TTN: variants seen among roughly 807,000 people sequenced by gnomAD.
TTN encodes connectin.
A neutral mutation model predicts 3,223.0 loss-of-function variants in TTN; 1,525 were observed. The observed-to-expected ratio is 0.47, with a 90% CI of 0.45 to 0.49. TTN has a LOEUF of 0.49. TTN is among the 20% of genes least tolerant of loss of function. The probability of loss-of-function intolerance (pLI) is 0.00; values close to 1 mark genes in which losing one functional copy is unlikely to be tolerated. For synonymous variants in TTN, 14,094 were observed against 15,161.0 expected (o/e 0.93, Z 5.17); for missense variants, 40,786 against 43,424.0 (o/e 0.94, Z 5.40).
chr2:178,590,682 T>C lies in TTN; in HGVS notation c.61043A>G (p.Glu20348Gly). The stretch of plus-strand genomic sequence containing the variant: ...TGGTTTGCTTAGTCCTGCAAGATTT[T>C]CAGCAAAAACTCTAAACTCATATGT... Reference protein sequence around the residue: ...GNTYEFRVFAENLAGLSKPSP... With the variant: ...GNTYEFRVFAGNLAGLSKPSP... The change falls in exon 304 of 363, where the codon GAA becomes GGA. Residue 20348 changes from glutamate (E) to glycine (G), a missense_variant. Glu to Gly is a moderately conservative substitution (Grantham distance 98, BLOSUM62 -2). Coordinates refer to ENST00000589042, the MANE Select transcript of TTN (RefSeq NM_001267550.2). 6.2e-7 allele frequency: 1 copy of C among 1,613,204 alleles called. No individual in the cohort carries two copies. The highest frequency in any genetic ancestry group is 8.5e-7 in the Non-Finnish European group (1 of 1,179,426).
Position 178,695,425 on chromosome 2 carries a change from C to G in TTN, c.31208-15G>C. 6 of 1,609,844 alleles carry G rather than the reference C, an allele frequency of 3.7e-6. No homozygotes were observed. The highest frequency in any genetic ancestry group is 4.2e-6 in the Non-Finnish European group (5 of 1,176,766). On this transcript the variant is annotated splice_polypyrimidine_tract_variant and intron_variant, in intron 114 of 362. Coordinates refer to ENST00000589042, the MANE Select transcript of TTN (RefSeq NM_001267550.2). ...CTCATGTGATTCTGAAATAAAAACACAGGAATAAGAAGGGATGCTTAAATA... is the reference window on the plus strand; with the variant it reads ...CTCATGTGATTCTGAAATAAAAACAGAGGAATAAGAAGGGATGCTTAAATA...
At position 178,728,762 on chromosome 2, in the gene TTN, T is replaced by C; in HGVS notation, c.19164A>G (p.Val6388=). The C allele has an allele frequency of 6.2e-7, 1 of 1,601,412 alleles. No homozygotes were observed. Among genetic ancestry groups the C allele is most frequent in the Non-Finnish European group, 8.5e-7 (1 of 1,169,878 alleles). Residue 6388 remains valine, a synonymous_variant, in exon 66 of 363, where the codon GTA becomes GTG. Coordinates refer to ENST00000589042, the MANE Select transcript of TTN (RefSeq NM_001267550.2). The part of the protein sequence containing the change: ...FLLVQEPAQI[V]EKAKSVDVTE... ...TAACATCAACTGATTTAGCTTTCTC[T>C]ACGATTTGAGCTGGTTCTGTAGTAA... is the stretch of plus-strand genomic sequence containing the variant.
intron 220 of TTN, 91 bp downstream of exon 220, chr2:178,641,150 T>A: frequency 1.2e-6 from 1 of 859,140 alleles, no homozygotes; most frequent in Non-Finnish European, 1.8e-6. Flanking sequence ...CATGTTTACA[T>A]CTAACTTCAT....
intron 33 of TTN, chr2:178,772,823 A>G: frequency 4.6e-6 from 2 of 434,658 alleles, no homozygotes; most frequent in East Asian, 8.7e-5. Flanking sequence ...AAACACTAGG[A>G]AAGAGGCACA....
Position 178,767,499 on chromosome 2 carries a change from A to C in TTN, c.9471+260T>G, listed in dbSNP as rs189599898. Among the ~76,000 whole-genome samples, 39 of 152,328 alleles carry C rather than the reference A, an allele frequency of 2.6e-4. No individual in the cohort carries two copies. The East Asian group carries it at 6.7e-3, about 26-fold the overall frequency. On this transcript the variant is annotated intron_variant, in intron 40 of 362. Coordinates refer to ENST00000589042, the MANE Select transcript of TTN (RefSeq NM_001267550.2). ...TTCTGGTTGGTGCTGCTTGGCAAGC[A>C]GCCATTTATTAGACAGTGAAATTTC...
At chr2:178,751,290 G>A (rs368245007) in intron 47 of TTN, 59 of 1,610,880 alleles carry the variant, frequency 3.7e-5, no homozygotes, top group African/African-American at 6.7e-5. Context: ...TCCCTTAAAC[G>A]TTGCAACTTC....
rs780158314 is a variant in TTN at position 178,618,873 on chromosome 2, G to A, written c.46697-20C>T. 1 of 1,603,434 alleles carries A rather than the reference G, an allele frequency of 6.2e-7. No homozygotes were observed. The highest frequency in any genetic ancestry group is 2.2e-5 in the East Asian group (1 of 44,500). Reference sequence around the variant, plus strand: ...GTGCAGCTAGTGAGAAAGATAACATGTGAACGCTTTCGACTATTAAACGTA... The same window carrying A: ...GTGCAGCTAGTGAGAAAGATAACATATGAACGCTTTCGACTATTAAACGTA... On this transcript the variant is annotated intron_variant, in intron 250 of 362. Coordinates refer to ENST00000589042, the MANE Select transcript of TTN (RefSeq NM_001267550.2).
intron 223 of TTN, among the ~76,000 whole-genome samples, chr2:178,637,932 A>C (rs2060706253): frequency 6.6e-6 from 1 of 152,048 alleles, no homozygotes; most frequent in Non-Finnish European, 1.5e-5. Context: ...GTTTCTTTGA[A>C]GATTTCCTTT....
In TTN at chr2:178,705,262, G is replaced by A. The variant is rs578069922; in HGVS notation, c.29516C>T (p.Ala9839Val). 3.1e-6 allele frequency: 5 copies of A among 1,613,524 alleles called. No individual in the cohort carries two copies. Among genetic ancestry groups the A allele is most frequent in the East Asian group, 4.5e-5 (2 of 44,846 alleles). ...NVDPKEYEKYARMYGITDFRG... is the reference protein window; with the variant it reads ...NVDPKEYEKYVRMYGITDFRG... ...GAAGTCAGTGATTCCATACATGCGG[G>A]CATATTTTTCATATTCTTTAGGATC... Residue 9839 changes from alanine (A) to valine (V), a missense_variant, in exon 103 of 363, where the codon GCC (alanine) becomes GTC (valine). By Grantham distance (64) the Ala-to-Val change is moderately conservative. Transcript: ENST00000589042.
In TTN at chr2:178,589,722, C is replaced by A; in HGVS notation, c.62003G>T (p.Arg20668Ile). The A allele has an allele frequency of 6.2e-7, 1 of 1,613,542 alleles. No individual in the cohort carries two copies. Among genetic ancestry groups the A allele is most frequent in the South Asian group, 1.1e-5 (1 of 91,068 alleles). ...GTGAAGGTTTTCAGGCTCACCTGGT[C>A]TGTCAATAGGGTTAATAGCCAGAAT... The part of the protein sequence containing the change: ...TPILAINPID[R>I]PGEPENLHIA... Residue 20668 changes from arginine to isoleucine, a missense_variant, in exon 304 of 363, where the codon AGA (arginine) becomes ATA (isoleucine). Coordinates refer to ENST00000589042, the MANE Select transcript of TTN (RefSeq NM_001267550.2).
At chr2:178,551,374 TAATA>T in intron 335 of TTN, 114 bp from the exon 336 acceptor site, 1 of 833,664 alleles carries the variant, frequency 1.2e-6, no homozygotes. Context: ...AAAATTTTTA[TAATA>T]AGTAATTTAT....
rs778779631 is a variant in TTN, at chr2:178,777,058, A to C, written c.4815-9T>G. 1.2e-6 allele frequency: 2 copies of C among 1,614,012 alleles called. No homozygotes were observed. Among genetic ancestry groups the C allele is most frequent in the Non-Finnish European group, 1.7e-6 (2 of 1,179,978 alleles). On this transcript the variant is annotated splice_polypyrimidine_tract_variant and intron_variant, in intron 27 of 362. Transcript: ENST00000589042. ...CCTTGGTTCCTTCAATTCTATAAAA[A>C]GTTGGGGGAGGGAATAATCAATATA...
Position 178,729,928 on chromosome 2 carries a change from T to C in TTN, c.18325A>G (p.Lys6109Glu), listed in dbSNP as rs73973139. Residue 6109 changes from lysine (K) to glutamate (E), a missense_variant, in exon 63 of 363, where the codon AAG becomes GAG. Coordinates refer to ENST00000589042, the MANE Select transcript of TTN (RefSeq NM_001267550.2). ...LFVKEPPQFI[K>E]KPSPVLVLRN... ...AGCACTAAGACTGGACTGGGCTTCT[T>C]AATGAATTGAGGAGGTTCTAAAGAT... is the stretch of plus-strand genomic sequence containing the variant. 323 of 1,612,462 alleles carry C rather than the reference T, an allele frequency of 2.0e-4. No individual in the cohort carries two copies. The African/African-American group carries it at 3.8e-3, about 19-fold the overall frequency.
chr2:178,610,158 G>A lies in TTN; in HGVS notation c.51368C>T (p.Ala17123Val). 1 of 1,613,008 alleles carries A rather than the reference G, an allele frequency of 6.2e-7. No homozygotes were observed. The highest frequency in any genetic ancestry group is 8.5e-7 in the Non-Finnish European group (1 of 1,179,326). Residue 17123 changes from alanine (A) to valine (V), a missense_variant, in exon 271 of 363, where the codon GCA becomes GTA. Coordinates refer to ENST00000589042, the MANE Select transcript of TTN (RefSeq NM_001267550.2). Reference protein sequence around the residue: ...PNGEYFFRVKAVNKVGGGEYI... With the variant: ...PNGEYFFRVKVVNKVGGGEYI... ...TTCTCCTCCACCAACCTTGTTGACTGCTTTAACACGGAAGAAGTATTCACC... is the reference window on the plus strand; with the variant it reads ...TTCTCCTCCACCAACCTTGTTGACTACTTTAACACGGAAGAAGTATTCACC...
At position 178,770,044 on chromosome 2, in the gene TTN, G is replaced by A; in HGVS notation, c.8641+16C>T. On this transcript the variant is annotated intron_variant, in intron 36 of 362. Coordinates refer to ENST00000589042, the MANE Select transcript of TTN (RefSeq NM_001267550.2). ...TTCATTAAGGAAAGGGCTGTAGGGGGCTGCCTGATACTTACTCTCCACAAA... is the reference window on the plus strand; with the variant it reads ...TTCATTAAGGAAAGGGCTGTAGGGGACTGCCTGATACTTACTCTCCACAAA... 3 of 1,614,142 alleles carry A rather than the reference G, an allele frequency of 1.9e-6. No individual in the cohort carries two copies. The highest frequency in any genetic ancestry group is 2.2e-5 in the East Asian group (1 of 44,880).
At position 178,647,350 on chromosome 2, in the gene TTN, T is replaced by A. The variant is rs975829979; in HGVS notation, c.40141+31A>T. ...AGCAAGAGGATGAAGACAATTGTCA[T>A]CTTTCCAAGATTTATGGAGAAGCCG... On this transcript the variant is annotated intron_variant, in intron 214 of 362. Transcript: ENST00000589042. The A allele has an allele frequency of 5.8e-6, 9 of 1,546,208 alleles. No homozygotes were observed. In the African/African-American group the frequency reaches 1.1e-4, roughly 19 times the overall value.
intron 213 of TTN, 133 bp downstream of exon 213, chr2:178,649,114 CT>C: frequency 1.5e-6 from 1 of 683,748 alleles, no homozygotes; most frequent in Non-Finnish European, 2.2e-6. Flanking sequence ...ATTTTTTTCC[CT>C]TCATTATTTC....
At position 178,741,641 on chromosome 2, in the gene TTN, A is replaced by T. The variant is rs2082502138; in HGVS notation, c.11592T>A (p.Ala3864=). ...CACCGTCAAAAACAAATTTGTAGTC[A>T]GCAGAAGGGGTTAATAGCACTCCAT... ...FFNGVLLTPS[A]DYKFVFDGDD... is the part of the protein sequence containing the mutation. Residue 3864 remains alanine (A), a synonymous_variant, in exon 48 of 363, where the codon GCT becomes GCA. Coordinates refer to ENST00000589042, the MANE Select transcript of TTN (RefSeq NM_001267550.2). 6.2e-7 allele frequency: 1 copy of T among 1,613,758 alleles called. No homozygotes were observed. The highest frequency in any genetic ancestry group is 1.3e-5 in the African/African-American group (1 of 74,934).
chr2:178,553,372 A>T lies in TTN; in HGVS notation c.89528T>A (p.Val29843Glu). 1 of 1,597,350 alleles carries T rather than the reference A, an allele frequency of 6.3e-7. No homozygotes were observed. The highest frequency in any genetic ancestry group is 8.5e-7 in the Non-Finnish European group (1 of 1,172,804). Residue 29843 changes from valine to glutamate, a missense_variant, in exon 335 of 363, where the codon GTG becomes GAG. By Grantham distance (121) the Val-to-Glu change is moderately radical. Transcript: ENST00000589042. The stretch of plus-strand genomic sequence containing the variant: ...GGCAATAACAGAAGTTCTGAGAGCC[A>T]CATCCAGGTCAATCTCTGGTGCCTC... The part of the protein sequence containing the change: ...ILEAPEIDLD[V>E]ALRTSVIAKA...
Sources: gnomAD v4.1 joint callset for allele counts (sites outside exome capture counted in the v4.1 genomes callset) on GRCh38, gnomAD v4.1.1 for gene constraint, MANE v1.5 for transcripts, NCBI Gene and HGNC (gene_info 2026-07-23, HGNC 2026-07-21) for gene names.